GRID1: variants seen among roughly 807,000 people sequenced by gnomAD.
GRID1 encodes glutamate ionotropic receptor delta type subunit 1.
In GRID1, 28 loss-of-function variants were observed where a neutral mutation model predicts 98.0. The observed-to-expected ratio is 0.29, with a 90% CI of 0.21 to 0.39. The LOEUF (loss-of-function observed/expected upper bound fraction) is 0.39, where lower values mean the gene tolerates loss of function less well. GRID1 is among the 10% of genes least tolerant of loss of function. The probability of loss-of-function intolerance (pLI) is 1.00; values close to 1 mark genes in which losing one functional copy is unlikely to be tolerated. For synonymous variants in GRID1, 553 were observed against 538.5 expected, an observed-to-expected ratio of 1.03 and a Z score of -0.37; for missense variants, 1,111 against 1,340.5, an observed-to-expected ratio of 0.83 and a Z score of 2.67.
intron 13 of GRID1, among the ~76,000 whole-genome samples, chr10:85,643,461 C>A (rs1362587372): frequency 6.6e-6 from 1 of 152,164 alleles, no homozygotes; most frequent in African/African-American, 2.4e-5. Context: ...CAGGGATTCA[C>A]AAGGTTACTG....
intron 2 of GRID1, among the ~76,000 whole-genome samples, chr10:86,363,708 GAAC>G (rs1253719249): frequency 6.6e-6 from 1 of 152,212 alleles, no homozygotes; most frequent in East Asian, 1.9e-4. Context: ...CAACCCGCAA[GAAC>G]ACCAGCTCCC....
intron 4 of GRID1, among the ~76,000 whole-genome samples, chr10:86,053,107 C>T (rs1319894131): frequency 6.6e-6 from 1 of 152,122 alleles, no homozygotes; most frequent in Non-Finnish European, 1.5e-5. Context: ...AGATGTTTAC[C>T]CTCCGCTGCA....
chr10:85,882,733 T>C (rs1192747843), intron 5 of GRID1, among the ~76,000 whole-genome samples: 1 of 152,202 alleles, frequency 6.6e-6, no homozygotes, highest in Non-Finnish European at 1.5e-5. Flanking sequence ...GTAACAAACG[T>C]GCACATTGTG....
chr10:85,622,736 G>A (rs981976607), intron 13 of GRID1, among the ~76,000 whole-genome samples: 7 of 152,132 alleles, frequency 4.6e-5, no homozygotes, highest in South Asian at 2.1e-4. Flanking sequence ...CTTTGGAGAC[G>A]GCAGAAAATC....
intron 2 of GRID1, among the ~76,000 whole-genome samples, chr10:86,265,639 G>T (rs1372541897): frequency 6.6e-6 from 1 of 152,240 alleles, no homozygotes; most frequent in African/African-American, 2.4e-5. Context: ...AGCCATAGAG[G>T]TTGGAGGGAA....
intron 2 of GRID1, among the ~76,000 whole-genome samples, chr10:86,343,432 T>G (rs866196431): frequency 6.6e-6 from 1 of 152,214 alleles, no homozygotes; most frequent in African/African-American, 2.4e-5. Flanking sequence ...ATCTCACTAA[T>G]GGAAAGAAAC....
intron 3 of GRID1, among the ~76,000 whole-genome samples, chr10:86,182,253 G>A (rs763828572): frequency 3.9e-5 from 6 of 152,218 alleles, no homozygotes; most frequent in Non-Finnish European, 7.3e-5. Flanking sequence ...CAGCCAGAGA[G>A]CTGGCATGGA....
At chr10:86,087,003 C>A (rs1236535335) in intron 4 of GRID1, among the ~76,000 whole-genome samples, 1 of 152,212 alleles carries the variant, frequency 6.6e-6, no homozygotes, top group Non-Finnish European at 1.5e-5. Flanking sequence ...GCTTTCTTGC[C>A]TGTGTATGTC....
intron 12 of GRID1, among the ~76,000 whole-genome samples, chr10:85,682,431 TC>T (rs781581052): frequency 4.6e-5 from 7 of 152,172 alleles, no homozygotes; most frequent in Non-Finnish European, 8.8e-5. Flanking sequence ...CAACAGGCCC[TC>T]CAAAAATAGG....
Position 86,082,766 on chromosome 10 carries a change from CCCAAA to C in GRID1, c.726+56048_726+56052del, listed in dbSNP as rs556857038. Among the ~76,000 whole-genome samples, 123 of 152,306 alleles carry C rather than the reference CCCAAA, an allele frequency of 8.1e-4. 1 individual carries two copies. Among genetic ancestry groups the C allele is most frequent in the African/African-American group, 2.7e-3 (113 of 41,564 alleles). On this transcript the variant is annotated intron_variant, in intron 4 of 15. Coordinates refer to ENST00000327946, the MANE Select transcript of GRID1 (RefSeq NM_017551.3). ...CCCTCTGCCCCACCACTCAGTGCTG[CCCAAA>C]CCATGACTCTGCACCTGTGTACAGA...
intron 2 of GRID1, among the ~76,000 whole-genome samples, chr10:86,239,452 G>C (rs920809807): frequency 1.3e-5 from 2 of 152,212 alleles, no homozygotes; most frequent in African/African-American, 4.8e-5. Flanking sequence ...GGACTGTTGA[G>C]AAGGGTTGAT....
At chr10:85,644,146 T>G (rs917772039) in intron 13 of GRID1, 4 of 152,224 alleles carry the variant, frequency 2.6e-5, no homozygotes, top group African/African-American at 9.6e-5. Context: ...AGCCCAGCAC[T>G]GCCTTGCTTG....
At chr10:86,345,218 T>G (rs1225235927) in intron 2 of GRID1, among the ~76,000 whole-genome samples, 2 of 152,224 alleles carry the variant, frequency 1.3e-5, no homozygotes, top group African/African-American at 4.8e-5. Context: ...TGCCATATGT[T>G]ATGAAATGCA....
intron 2 of GRID1, among the ~76,000 whole-genome samples, chr10:86,335,488 A>G (rs959948519): frequency 6.6e-6 from 1 of 152,238 alleles, no homozygotes; most frequent in African/African-American, 2.4e-5. Flanking sequence ...CCTCAAGAGA[A>G]GCATCTGGCT....
intron 5 of GRID1, among the ~76,000 whole-genome samples, chr10:85,907,298 G>A (rs1187229977): frequency 6.6e-6 from 1 of 152,240 alleles, no homozygotes; most frequent in South Asian, 2.1e-4. Flanking sequence ...TTCTAGTAGA[G>A]ATGGGGTTTC....
intron 3 of GRID1, among the ~76,000 whole-genome samples, chr10:86,161,425 G>A (rs569892060): frequency 1.3e-5 from 2 of 152,230 alleles, no homozygotes; most frequent in East Asian, 3.9e-4. Context: ...GCTCCCACCT[G>A]GTGCCAGGCT....
intron 4 of GRID1, among the ~76,000 whole-genome samples, chr10:86,065,133 C>CAT (rs1288977400): frequency 1.3e-5 from 2 of 152,180 alleles, no homozygotes; most frequent in Non-Finnish European, 2.9e-5. Context: ...CCTCCATAGA[C>CAT]ATCTATCTGA....
intron 4 of GRID1, among the ~76,000 whole-genome samples, chr10:86,083,998 A>T: frequency 6.6e-6 from 1 of 152,222 alleles, no homozygotes; most frequent in Non-Finnish European, 1.5e-5. Flanking sequence ...TCCCTGCTGG[A>T]CATCAGCCTC....
At chr10:86,178,092 A>G (rs1487824470) in intron 3 of GRID1, among the ~76,000 whole-genome samples, 1 of 152,170 alleles carries the variant, frequency 6.6e-6, no homozygotes, top group Admixed American at 6.5e-5. Flanking sequence ...ATTTCACTTC[A>G]GAAATCAGCT....
Sources: allele counts gnomAD v4.1 joint callset (sites outside exome capture counted in the v4.1 genomes callset), GRCh38; gene constraint gnomAD v4.1.1; transcripts MANE v1.5; gene names NCBI Gene and HGNC (gene_info 2026-07-23, HGNC 2026-07-21).